Variants in AGAP1 observed in about 807,000 individuals in gnomAD.
AGAP1 encodes the protein arf-GAP with GTPase, ANK repeat and PH domain-containing protein 1.
In AGAP1, 29 loss-of-function variants were observed where a neutral mutation model predicts 105.3. The ratio of observed to expected loss-of-function variants is 0.28; its 90% confidence interval spans 0.21 to 0.38. The LOEUF (loss-of-function observed/expected upper bound fraction) is 0.38, where lower values mean the gene tolerates loss of function less well. Ranked by LOEUF, AGAP1 falls within the 10% of genes least tolerant of loss-of-function variation. The pLI is 1.00. For synonymous variants in AGAP1, 509 were observed against 485.9 expected (o/e 1.05, Z -0.63); for missense variants, 998 against 1,165.1 (o/e 0.86, Z 2.09).
intron 6 of AGAP1, among the ~76,000 whole-genome samples, chr2:235,776,171 A>G (rs1955844099): frequency 6.6e-6 from 1 of 152,198 alleles, no homozygotes; most frequent in Admixed American, 6.5e-5. Context: ...AATTCTGGTC[A>G]CAGTGTCTAG....
chr2:235,670,917 C>A (rs1387430634), intron 1 of AGAP1: 1 of 1,338,234 alleles, frequency 7.5e-7, no homozygotes, highest in Non-Finnish European at 9.5e-7. Flanking sequence ...GGCATCTTCG[C>A]GCGCAGGGAC....
rs544840262 is a variant in AGAP1 at position 235,769,722 on chromosome 2, C to T, written c.673+19234C>T. On this transcript the variant is annotated intron_variant, in intron 6 of 17. Transcript: ENST00000304032. The surrounding 1 kb of genome is among the most constrained non-coding windows in gnomAD (Gnocchi z 4.4). ...AGTGAAAAAAAAACGAAAGCAGTGACTAAAGGGCATCTCCAGGTGCCGCCT... is the reference window on the plus strand; with the variant it reads ...AGTGAAAAAAAAACGAAAGCAGTGATTAAAGGGCATCTCCAGGTGCCGCCT... Among the ~76,000 whole-genome samples, 29 of 152,212 alleles carry T rather than the reference C, an allele frequency of 1.9e-4. No individual in the cohort carries two copies. The highest frequency in any genetic ancestry group is 3.4e-3 in the Middle Eastern group (1 of 294).
At chr2:235,628,682 C>A (rs1174717225) in intron 1 of AGAP1, among the ~76,000 whole-genome samples, 1 of 151,870 alleles carries the variant, frequency 6.6e-6, no homozygotes, top group Non-Finnish European at 1.5e-5. Context: ...TGAATAAGTT[C>A]TTTAGTGATG....
chr2:235,997,150 C>T (rs142477440), intron 13 of AGAP1, among the ~76,000 whole-genome samples: 10 of 152,300 alleles, frequency 6.6e-5, no homozygotes, highest in African/African-American at 2.2e-4. Context: ...AGTGCCACGG[C>T]GCAATCTCGG....
rs2059176640 is a variant in AGAP1, at chr2:236,095,750, A to C, written c.2115-24442A>C. On this transcript the variant is annotated intron_variant, in intron 16 of 17. Coordinates refer to ENST00000304032, the MANE Select transcript of AGAP1 (RefSeq NM_001037131.3). The surrounding 1 kb of genome is among the most constrained non-coding windows in gnomAD (Gnocchi z 4.1). ...AACTTTTAAAAATTTTGACATATGA[A>C]GAAGTATATTAGTTCAGGGCTAGAT... 1.3e-5 allele frequency among the ~76,000 whole-genome samples: 2 copies of C among 152,230 alleles called. No homozygotes were observed. Among genetic ancestry groups the C allele is most frequent in the Non-Finnish European group, 2.9e-5 (2 of 68,044 alleles).
intron 1 of AGAP1, chr2:235,670,916 G>A (rs1948376691): frequency 5.2e-6 from 7 of 1,339,328 alleles, no homozygotes; most frequent in Middle Eastern, 2.8e-4. Flanking sequence ...CGGCATCTTC[G>A]CGCGCAGGGA....
chr2:235,551,353 G>A lies in AGAP1; in HGVS notation c.163+56504G>A, dbSNP rs977146664. ...AAGGTCTCACTCTGTCACTCAGGTT[G>A]GAGTGCAGTGGCTTGATCATAGCTC... On this transcript the variant is annotated intron_variant, in intron 1 of 17. Coordinates refer to ENST00000304032, the MANE Select transcript of AGAP1 (RefSeq NM_001037131.3). The surrounding 1 kb of genome is among the most constrained non-coding windows in gnomAD (Gnocchi z 4.8). Among the ~76,000 whole-genome samples, 1 of 152,004 alleles carries A rather than the reference G, an allele frequency of 6.6e-6. No individual in the cohort carries two copies. Among genetic ancestry groups the A allele is most frequent in the African/African-American group, 2.4e-5 (1 of 41,398 alleles).
rs1445168961 is a variant in AGAP1, at chr2:235,843,532, G to A, written c.1050+36201G>A. Among the ~76,000 whole-genome samples the A allele has an allele frequency of 6.6e-6, 1 of 152,072 alleles. No individual in the cohort carries two copies. The highest frequency in any genetic ancestry group is 2.4e-5 in the African/African-American group (1 of 41,388). Reference sequence around the variant, plus strand: ...CTGCACAGCACTCTTTCTGCTGTGGGATGCCTCCGCCTCCCTTCGTTCCCC... The same window carrying A: ...CTGCACAGCACTCTTTCTGCTGTGGAATGCCTCCGCCTCCCTTCGTTCCCC... On this transcript the variant is annotated intron_variant, in intron 9 of 17. Transcript: ENST00000304032. This position sits in a 1 kb window ranked among gnomAD's most constrained non-coding sequence, Gnocchi z 5.9.
chr2:236,038,321 G>A lies in AGAP1; in HGVS notation c.1800+1606G>A, dbSNP rs780243450. Among the ~76,000 whole-genome samples the A allele has an allele frequency of 1.6e-4, 24 of 152,174 alleles. No homozygotes were observed. Among genetic ancestry groups the A allele is most frequent in the Admixed American group, 6.5e-4 (10 of 15,284 alleles). ...TGTGTTACCGAACAGAGAGGCACAGGTTCCTGCCTTCATGGAGAAATCACA... is the reference window on the plus strand; with the variant it reads ...TGTGTTACCGAACAGAGAGGCACAGATTCCTGCCTTCATGGAGAAATCACA... On this transcript the variant is annotated intron_variant, in intron 14 of 17. Coordinates refer to ENST00000304032, the MANE Select transcript of AGAP1 (RefSeq NM_001037131.3). The surrounding 1 kb of genome is among the most constrained non-coding windows in gnomAD (Gnocchi z 4.5).
chr2:235,620,009 G>C lies in AGAP1; in HGVS notation c.164-89170G>C, dbSNP rs1202056076. Reference sequence around the variant, plus strand: ...CAAGGAGACACATGTTACTGTCTCTGTAGCTGCCTGTGCCTCCAGGTGTGG... The same window carrying C: ...CAAGGAGACACATGTTACTGTCTCTCTAGCTGCCTGTGCCTCCAGGTGTGG... On this transcript the variant is annotated intron_variant, in intron 1 of 17. Coordinates refer to ENST00000304032, the MANE Select transcript of AGAP1 (RefSeq NM_001037131.3). The surrounding 1 kb of genome is among the most constrained non-coding windows in gnomAD (Gnocchi z 4.5). Among the ~76,000 whole-genome samples, 2 of 152,186 alleles carry C rather than the reference G, an allele frequency of 1.3e-5. No homozygotes were observed. The highest frequency in any genetic ancestry group is 2.9e-5 in the Non-Finnish European group (2 of 68,026).
chr2:235,558,096 C>G (rs999603480), intron 1 of AGAP1, among the ~76,000 whole-genome samples: 1 of 152,162 alleles, frequency 6.6e-6, no homozygotes, highest in African/African-American at 2.4e-5. Context: ...GAGTAGGAGG[C>G]TGGCGGCCTT....
intron 1 of AGAP1, among the ~76,000 whole-genome samples, chr2:235,641,290 C>T (rs1037731756): frequency 2.3e-5 from 3 of 127,844 alleles, no homozygotes; most frequent in Non-Finnish European, 3.3e-5. Context: ...CTCAGTACTG[C>T]GATTCTTTCT....
chr2:236,033,746 A>G (rs939366869), intron 13 of AGAP1, among the ~76,000 whole-genome samples: 5 of 152,214 alleles, frequency 3.3e-5, no homozygotes, highest in East Asian at 1.9e-4. Context: ...CCCTGCACCC[A>G]TACAGTGTAA....
rs560285759 is a variant in AGAP1, at chr2:235,522,126, G to A, written c.163+27277G>A. Among the ~76,000 whole-genome samples, 22 of 152,304 alleles carry A rather than the reference G, an allele frequency of 1.4e-4. No individual in the cohort carries two copies. In the South Asian group the frequency reaches 3.9e-3, roughly 27 times the overall value. On this transcript the variant is annotated intron_variant, in intron 1 of 17. Transcript: ENST00000304032. ...ATAGAACATTTCCTCAAGAGGCTTA[G>A]AGTCTGTTTAGGGGTGATGAGGCTT...
chr2:235,625,731 G>C lies in AGAP1; in HGVS notation c.164-83448G>C, dbSNP rs187911828. Among the ~76,000 whole-genome samples, 1 of 152,156 alleles carries C rather than the reference G, an allele frequency of 6.6e-6. No homozygotes were observed. The highest frequency in any genetic ancestry group is 1.5e-5 in the Non-Finnish European group (1 of 68,020). ...AGTCGTCTGAAATATATTATGGTTT[G>C]TTTGTAGCTTCAGCTAGTACTTTTC... On this transcript the variant is annotated intron_variant, in intron 1 of 17. Transcript: ENST00000304032. This position sits in a 1 kb window ranked among gnomAD's most constrained non-coding sequence, Gnocchi z 4.0.
At chr2:235,757,440 T>C (rs781724655) in intron 6 of AGAP1, among the ~76,000 whole-genome samples, 7 of 152,222 alleles carry the variant, frequency 4.6e-5, no homozygotes, top group Non-Finnish European at 8.8e-5. Context: ...TATTAGGGCT[T>C]CCTCTGTTCA....
rs4663628 is a variant in AGAP1, at chr2:235,887,956, G to T, written c.1155+4507G>T. Among the ~76,000 whole-genome samples, 1 of 151,962 alleles carries T rather than the reference G, an allele frequency of 6.6e-6. No individual in the cohort carries two copies. Among genetic ancestry groups the T allele is most frequent in the Non-Finnish European group, 1.5e-5 (1 of 67,980 alleles). ...AGGGCCGTGCGGCAGCCCATCACCG[G>T]CAGCGCTTGCTCGTGGTGGTGAGGC... On this transcript the variant is annotated intron_variant, in intron 10 of 17. Transcript: ENST00000304032. The surrounding 1 kb of genome is among the most constrained non-coding windows in gnomAD (Gnocchi z 4.1).
chr2:236,129,345 C>T lies in AGAP1; in HGVS notation c.*5223C>T, dbSNP rs1045498792. ...GGGCCCTCTATCATTTAACCACATA[C>T]ATTAGGTTGCTTTTCAGCAAAATGT... is the stretch of plus-strand genomic sequence containing the variant. On this transcript the variant is annotated 3_prime_UTR_variant, in exon 18 of 18. Coordinates refer to ENST00000304032, the MANE Select transcript of AGAP1 (RefSeq NM_001037131.3). This position sits in a 1 kb window ranked among gnomAD's most constrained non-coding sequence, Gnocchi z 6.2. 6.6e-6 allele frequency: 1 copy of T among 152,322 alleles called. No homozygotes were observed. Among genetic ancestry groups the T allele is most frequent in the Non-Finnish European group, 1.5e-5 (1 of 68,118 alleles). 9.4% of individuals were successfully genotyped at this position (152,322 alleles called of 1,614,324 possible).
At chr2:235,515,492 A>T (rs1041637853) in intron 1 of AGAP1, among the ~76,000 whole-genome samples, 1 of 152,230 alleles carries the variant, frequency 6.6e-6, no homozygotes. Context: ...TGAGCTGGCA[A>T]TAACAGCGCT....
Sources: allele counts gnomAD v4.1 joint callset (sites outside exome capture counted in the v4.1 genomes callset), GRCh38; gene constraint gnomAD v4.1.1; non-coding constraint Gnocchi (gnomAD v3.1); transcripts MANE v1.5; gene names NCBI Gene and HGNC (gene_info 2026-07-23, HGNC 2026-07-21).